The following SEPTIN4 variants were observed in gnomAD, a reference collection of about 807,000 sequenced individuals.
SEPTIN4 encodes the protein septin-4.
In SEPTIN4, 52 loss-of-function variants were observed where a neutral mutation model predicts 107.1. The observed-to-expected ratio is 0.49, with a 90% CI of 0.39 to 0.61. The LOEUF is 0.61. Among genes scored for constraint, SEPTIN4 ranks in the 20% least tolerant of loss-of-function variants. The pLI, the probability that SEPTIN4 is intolerant of heterozygous loss-of-function variation, is 0.00. For missense variants in SEPTIN4, 1,048 were observed against 1,243.5 expected, an observed-to-expected ratio of 0.84 and a Z score of 2.36; for synonymous variants, 417 against 467.0, an observed-to-expected ratio of 0.89 and a Z score of 1.38.
At chr17:58,527,835 C>T (rs955397956) in intron 3 of SEPTIN4, 1 of 985,662 alleles carries the variant, frequency 1.0e-6, no homozygotes, top group Non-Finnish European at 1.2e-6. Flanking sequence ...CCCCCTCTGC[C>T]CAGAGCCGGC....
At chr17:58,523,383 A>G (rs2144041401) in intron 7 of SEPTIN4, among the ~76,000 whole-genome samples, 1 of 151,876 alleles carries the variant, frequency 6.6e-6, no homozygotes, top group South Asian at 2.1e-4. Context: ...AAAAAAAAAA[A>G]AAGAAAGGAG....
rs772876093 is a variant in SEPTIN4 at position 58,521,663 on chromosome 17, G to A, written c.2470-17C>T. The stretch of plus-strand genomic sequence containing the variant: ...CTCCCGGATCTGACAAACAGATGAG[G>A]GGCCCACAGTTCTGGGGACCACATC... On this transcript the variant is annotated splice_polypyrimidine_tract_variant and intron_variant, in intron 9 of 13. Transcript: ENST00000672673. This position sits in a 1 kb window ranked among gnomAD's most constrained non-coding sequence, Gnocchi z 6.4. 1.9e-6 allele frequency: 3 copies of A among 1,614,126 alleles called. No individual in the cohort carries two copies. Among genetic ancestry groups the A allele is most frequent in the Middle Eastern group, 1.6e-4 (1 of 6,062 alleles).
chr17:58,539,702 T>G (rs915019482), intron 3 of SEPTIN4, among the ~76,000 whole-genome samples: 1 of 150,876 alleles, frequency 6.6e-6, no homozygotes, highest in African/African-American at 2.4e-5. Context: ...CCTAGCAGAG[T>G]GCTAGGCAAC....
At chr17:58,525,351 G>A (rs2042733047) in intron 6 of SEPTIN4, 150 bp from the exon 7 acceptor site, 2 of 944,348 alleles carry the variant, frequency 2.1e-6, no homozygotes, top group Non-Finnish European at 1.6e-6. Flanking sequence ...CTGTTCTCTG[G>A]GAACCAGCAA....
At chr17:58,537,812 A>G (rs1250484290) in intron 3 of SEPTIN4, among the ~76,000 whole-genome samples, 6 of 140,656 alleles carry the variant, frequency 4.3e-5, no homozygotes, top group Non-Finnish European at 9.1e-5. Context: ...CCTGGGTGAC[A>G]GAGCGAGACT....
intron 12 of SEPTIN4, 47 bp from the exon 13 acceptor site, chr17:58,520,889 G>T: frequency 1.2e-6 from 2 of 1,613,548 alleles, no homozygotes; most frequent in Non-Finnish European, 1.7e-6. Context: ...CCCAGCACCC[G>T]CTTAGATTGA....
intron 3 of SEPTIN4, chr17:58,527,526 CT>C: frequency 4.3e-6 from 1 of 234,626 alleles, no homozygotes; most frequent in Non-Finnish European, 8.5e-6. Context: ...TACTGGTGAG[CT>C]GGGGGACTGG....
chr17:58,528,622 G>A (rs2043177887), intron 3 of SEPTIN4: 1 of 169,904 alleles, frequency 5.9e-6, no homozygotes, highest in Non-Finnish European at 1.3e-5. Flanking sequence ...TTAATTACAT[G>A]GCAACAGAGA....
intron 7 of SEPTIN4, among the ~76,000 whole-genome samples, chr17:58,524,016 G>A (rs546612419): frequency 2.6e-5 from 4 of 152,250 alleles, no homozygotes; most frequent in Non-Finnish European, 5.9e-5. Context: ...AGAGACAGTA[G>A]GTAAATTGAT....
intron 7 of SEPTIN4, chr17:58,524,849 T>G (rs1322335317): frequency 1.1e-5 from 6 of 537,722 alleles, no homozygotes; most frequent in Non-Finnish European, 1.6e-5. Flanking sequence ...CCCTACCCCA[T>G]TATAGAATCA....
chr17:58,543,870 CT>C lies in SEPTIN4; in HGVS notation c.316del (p.Ser106AlafsTer54). On this transcript the variant is annotated frameshift_variant, in exon 1 of 14. Coordinates refer to ENST00000672673, the MANE Select transcript of SEPTIN4 (RefSeq NM_001368771.2). LOFTEE classifies it high-confidence loss of function. ...GGAAGCCAGTGTCTGAGTCTTCTGG[CT>C]CTTTAGATGGGGAGAGGAATGGCGG... ...SSRHSSPHLK[S>X]QKTQTLASHA... The C allele has an allele frequency of 1.9e-6, 3 of 1,614,122 alleles. No individual in the cohort carries two copies. Among genetic ancestry groups the C allele is most frequent in the Non-Finnish European group, 8.5e-7 (1 of 1,180,010 alleles).
intron 6 of SEPTIN4, 49 bp from the exon 7 acceptor site, chr17:58,525,250 G>A (rs2042720126): frequency 6.2e-7 from 1 of 1,604,414 alleles, no homozygotes; most frequent in Admixed American, 1.7e-5. Flanking sequence ...GACCTGCCCA[G>A]TCAGGATGAA....
chr17:58,540,728 G>C, intron 2 of SEPTIN4, 55 bp from the exon 3 acceptor site: 3 of 1,322,448 alleles, frequency 2.3e-6, no homozygotes, highest in Non-Finnish European at 2.9e-6. Flanking sequence ...ATGGAATTCA[G>C]AGAGTGCCAA....
intron 3 of SEPTIN4, among the ~76,000 whole-genome samples, chr17:58,540,205 C>A (rs1179485402): frequency 6.6e-6 from 1 of 152,132 alleles, no homozygotes; most frequent in Non-Finnish European, 1.5e-5. Context: ...CAGCAGAGTC[C>A]ACCTTGAGTT....
Position 58,521,186 on chromosome 17 carries a change from C to T in SEPTIN4, c.2669-26G>A. On this transcript the variant is annotated intron_variant, in intron 11 of 13. Coordinates refer to ENST00000672673, the MANE Select transcript of SEPTIN4 (RefSeq NM_001368771.2). The surrounding 1 kb of genome is among the most constrained non-coding windows in gnomAD (Gnocchi z 6.4). ...CTGCATAGCAAGGCTAGGGGTCAGCCAGAGGCATAGGTAGGGGAGAGCCAC... is the reference window on the plus strand; with the variant it reads ...CTGCATAGCAAGGCTAGGGGTCAGCTAGAGGCATAGGTAGGGGAGAGCCAC... The T allele has an allele frequency of 6.2e-7, 1 of 1,614,186 alleles. No homozygotes were observed. Among genetic ancestry groups the T allele is most frequent in the Non-Finnish European group, 8.5e-7 (1 of 1,180,022 alleles).
In SEPTIN4 at chr17:58,544,304, CA is replaced by C. The variant is rs1228847610; in HGVS notation, c.-119del. On this transcript the variant is annotated 5_prime_UTR_variant, in exon 1 of 14. Coordinates refer to ENST00000672673, the MANE Select transcript of SEPTIN4 (RefSeq NM_001368771.2). ...AAAGCTGCTGTTTCTTGGGCTCCCA[CA>C]AAAGTGGCTGTTGTTCTAAGAGTGT... 2.2e-6 allele frequency: 3 copies of C among 1,367,596 alleles called. No individual in the cohort carries two copies. The highest frequency in any genetic ancestry group is 1.5e-5 in the African/African-American group (1 of 68,754). The allele number at this position is 1,367,596 out of a possible 1,614,324, so 84.7% of individuals were successfully genotyped here.
rs1215718644 is a variant in SEPTIN4, at chr17:58,526,299, A to AT, written c.1925dup (p.Tyr642Ter). 1 of 1,595,124 alleles carries AT rather than the reference A, an allele frequency of 6.3e-7. No homozygotes were observed. Among genetic ancestry groups the AT allele is most frequent in the Admixed American group, 1.8e-5 (1 of 57,000 alleles). ...PYDSSEDDKEYVGFATLPNQV... is the reference protein window; with the variant it reads ...PYDSSEDDKE ...GGTTGGGGAGGGTTGCAAAGCCCAC[A>AT]TACTCCTTGTCATCCTAGTAGACAG... Residue 642 changes from tyrosine to a stop codon, truncating the protein, a stop_gained and frameshift_variant, in exon 5 of 14, where the codon TAT (tyrosine) becomes TAAT (stop). Coordinates refer to ENST00000672673, the MANE Select transcript of SEPTIN4 (RefSeq NM_001368771.2). LOFTEE classifies it high-confidence loss of function.
Position 58,543,057 on chromosome 17 carries a change from T to G in SEPTIN4, c.1130A>C (p.Gln377Pro), listed in dbSNP as rs762050797. ...TPEPIYKQQT[Q>P]KPPEITYMSQ... is the part of the protein sequence containing the mutation. Reference sequence around the variant, plus strand: ...CATGTAAGTAATTTCTGGGGGTTTTTGGGTTTGCTGTTTATAGATGGGCTC... The same window carrying G: ...CATGTAAGTAATTTCTGGGGGTTTTGGGGTTTGCTGTTTATAGATGGGCTC... The change falls in exon 1 of 14, where the codon CAA becomes CCA. Residue 377 changes from glutamine to proline, a missense_variant. By Grantham distance (76) the Gln-to-Pro change is moderately conservative. Coordinates refer to ENST00000672673, the MANE Select transcript of SEPTIN4 (RefSeq NM_001368771.2). The G allele has an allele frequency of 1.2e-5, 19 of 1,611,240 alleles. 1 individual carries two copies. The South Asian group carries it at 1.9e-4, about 16-fold the overall frequency.
chr17:58,532,108 G>A, intron 3 of SEPTIN4: 1 of 1,059,888 alleles, frequency 9.4e-7, no homozygotes. Flanking sequence ...CGGCGGGGGC[G>A]GAGCGAGTCG....
Sources: gnomAD v4.1 joint callset for allele counts (sites outside exome capture counted in the v4.1 genomes callset) on GRCh38, gnomAD v4.1.1 for gene constraint, Gnocchi (gnomAD v3.1) non-coding constraint, MANE v1.5 for transcripts, NCBI Gene and HGNC (gene_info 2026-07-23, HGNC 2026-07-21) for gene names.